Variants in IQGAP1 observed in about 807,000 individuals in gnomAD.
IQGAP1 encodes the protein ras GTPase-activating-like protein IQGAP1.
Under a neutral mutation model 215.6 loss-of-function variants are expected in IQGAP1, and 66 were observed. The ratio of observed to expected loss-of-function variants is 0.31; its 90% CI spans 0.25 to 0.38. The LOEUF (loss-of-function observed/expected upper bound fraction) is 0.38. Among genes scored for constraint, IQGAP1 ranks in the 10% least tolerant of loss-of-function variants. The pLI is 1.00. For synonymous variants in IQGAP1, 772 were observed against 728.7 expected (o/e 1.06, Z -0.96); for missense variants, 1,712 against 1,997.1 (o/e 0.86, Z 2.72).
intron 3 of IQGAP1, among the ~76,000 whole-genome samples, chr15:90,428,329 G>A (rs565733172): frequency 1.3e-5 from 2 of 151,992 alleles, no homozygotes; most frequent in Non-Finnish European, 2.9e-5. Flanking sequence ...CTCCCACCTT[G>A]GCCTCTCAAA....
intron 18 of IQGAP1, among the ~76,000 whole-genome samples, chr15:90,470,192 A>G (rs1965886557): frequency 6.6e-6 from 1 of 151,948 alleles, no homozygotes; most frequent in Admixed American, 6.6e-5. Context: ...AGATCCTCCC[A>G]CTCTACTCAC....
chr15:90,458,813 G>A (rs1449796554), intron 15 of IQGAP1, among the ~76,000 whole-genome samples: 1 of 152,128 alleles, frequency 6.6e-6, no homozygotes, highest in Admixed American at 6.5e-5. Context: ...ACAGCATCAA[G>A]TGACATTCTG....
In IQGAP1 at chr15:90,458,999, C is replaced by T. The variant is rs559485056; in HGVS notation, c.1776+2684C>T. ...CTCCTCTACCCTTCACCAAAACTTA[C>T]AGAGCCCACACGAGTGTCAGTGTGC... On this transcript the variant is annotated intron_variant, in intron 15 of 37. Coordinates refer to ENST00000268182, the MANE Select transcript of IQGAP1 (RefSeq NM_003870.4). Among the ~76,000 whole-genome samples the T allele has an allele frequency of 2.0e-5, 3 of 152,306 alleles. No homozygotes were observed. The East Asian group carries it at 5.8e-4, about 29-fold the overall frequency.
intron 2 of IQGAP1, among the ~76,000 whole-genome samples, chr15:90,425,332 A>C (rs1225908485): frequency 6.6e-6 from 1 of 152,056 alleles, no homozygotes; most frequent in Admixed American, 6.6e-5. Context: ...AAGAAAAGGA[A>C]AAAAAAACCA....
At chr15:90,461,146 A>G (rs940309217) in intron 15 of IQGAP1, among the ~76,000 whole-genome samples, 1 of 152,032 alleles carries the variant, frequency 6.6e-6, no homozygotes, top group Non-Finnish European at 1.5e-5. Context: ...ATCTCTACTA[A>G]AAATACAAAA....
rs989201994 is a variant in IQGAP1 at position 90,500,789 on chromosome 15, G to A, written c.*681G>A. 1 of 152,414 alleles carries A rather than the reference G, an allele frequency of 6.6e-6. No individual in the cohort carries two copies. Among genetic ancestry groups the A allele is most frequent in the Admixed American group, 6.5e-5 (1 of 15,274 alleles). 9.4% of individuals were successfully genotyped at this position (152,414 alleles called of 1,614,324 possible). ...CTGTTTGTGTAACTCCCCGACTAGT[G>A]GATGGGAGAGTCCCATTGCTAAAAT... is the stretch of plus-strand genomic sequence containing the variant. On this transcript the variant is annotated 3_prime_UTR_variant, in exon 38 of 38. Transcript: ENST00000268182.
In IQGAP1 at chr15:90,459,128, T is replaced by G. The variant is rs1008387711; in HGVS notation, c.1776+2813T>G. On this transcript the variant is annotated intron_variant, in intron 15 of 37. Coordinates refer to ENST00000268182, the MANE Select transcript of IQGAP1 (RefSeq NM_003870.4). Reference sequence around the variant, plus strand: ...TCCGCTTGCTGCCTCACTTCAGGAGTCTTCTGAAGGCTATGGTTCTATCCA... The same window carrying G: ...TCCGCTTGCTGCCTCACTTCAGGAGGCTTCTGAAGGCTATGGTTCTATCCA... Among the ~76,000 whole-genome samples, 29 of 152,066 alleles carry G rather than the reference T, an allele frequency of 1.9e-4. 1 individual carries two copies.
chr15:90,474,465 T>G lies in IQGAP1; in HGVS notation c.2576-20T>G, dbSNP rs1384976133. 6.3e-7 allele frequency: 1 copy of G among 1,588,326 alleles called. No homozygotes were observed. Among genetic ancestry groups the G allele is most frequent in the African/African-American group, 1.3e-5 (1 of 74,246 alleles). On this transcript the variant is annotated intron_variant, in intron 22 of 37. Transcript: ENST00000268182. ...TACTTTTTCTGCTAACTCCATTCTT[T>G]GATGCATACTTTCTGTCAGTCAATG...
intron 2 of IQGAP1, among the ~76,000 whole-genome samples, chr15:90,398,868 T>C (rs1964762994): frequency 6.6e-6 from 1 of 152,022 alleles, no homozygotes; most frequent in Non-Finnish European, 1.5e-5. Context: ...TAGTTGGGTA[T>C]GGTGGCGTGT....
chr15:90,480,919 C>T (rs1966049160), intron 26 of IQGAP1, among the ~76,000 whole-genome samples: 1 of 152,176 alleles, frequency 6.6e-6, no homozygotes, highest in Non-Finnish European at 1.5e-5. Context: ...CCACCCGCCT[C>T]GGCCTCCCAA....
intron 2 of IQGAP1, among the ~76,000 whole-genome samples, chr15:90,403,588 C>G (rs1057007336): frequency 2.0e-5 from 3 of 152,224 alleles, no homozygotes; most frequent in Admixed American, 6.5e-5. Context: ...GATTGTGTCT[C>G]TTTCCGGAGA....
intron 14 of IQGAP1, 117 bp downstream of exon 14, chr15:90,454,669 T>A: frequency 8.8e-7 from 1 of 1,132,790 alleles, no homozygotes; most frequent in Non-Finnish European, 1.2e-6. Flanking sequence ...TGAAAATATC[T>A]ATATAACACA....
intron 15 of IQGAP1, among the ~76,000 whole-genome samples, chr15:90,457,595 A>T (rs1163693744): frequency 3.8e-4 from 50 of 131,360 alleles, no homozygotes; most frequent in African/African-American, 5.2e-4. Flanking sequence ...CCTGGCTAAA[A>T]TTTTTTTTTT....
intron 15 of IQGAP1, among the ~76,000 whole-genome samples, chr15:90,465,331 G>A (rs1046764714): frequency 3.9e-5 from 6 of 152,192 alleles, no homozygotes; most frequent in Non-Finnish European, 7.3e-5. Flanking sequence ...TTTCAAATAA[G>A]TACTGCATAT....
At position 90,472,825 on chromosome 15, in the gene IQGAP1, C is replaced by G; in HGVS notation, c.2179-15C>G. ...TGCCTGTGAATGTCTTTGAATGTGA[C>G]CACTGCTTTTTCAGAGTTCTATCTC... is the stretch of plus-strand genomic sequence containing the variant. On this transcript the variant is annotated splice_polypyrimidine_tract_variant and intron_variant, in intron 18 of 37. Coordinates refer to ENST00000268182, the MANE Select transcript of IQGAP1 (RefSeq NM_003870.4). 1 of 1,593,728 alleles carries G rather than the reference C, an allele frequency of 6.3e-7. No individual in the cohort carries two copies. Among genetic ancestry groups the G allele is most frequent in the Non-Finnish European group, 8.6e-7 (1 of 1,167,776 alleles).
At position 90,429,162 on chromosome 15, in the gene IQGAP1, A is replaced by T. The variant is rs113003605; in HGVS notation, c.313-427A>T. Among the ~76,000 whole-genome samples, 385 of 152,240 alleles carry T rather than the reference A, an allele frequency of 2.5e-3. 7 individuals are homozygous for T. Among genetic ancestry groups the T allele is most frequent in the African/African-American group, 8.6e-3 (358 of 41,542 alleles). Reference sequence around the variant, plus strand: ...GCCACCGTCCCAGCGTGGTATTTTTATACAGCATTTTGTGAACATCTATGT... The same window carrying T: ...GCCACCGTCCCAGCGTGGTATTTTTTTACAGCATTTTGTGAACATCTATGT... On this transcript the variant is annotated intron_variant, in intron 3 of 37. Transcript: ENST00000268182.
chr15:90,501,403 AC>A lies in IQGAP1; in HGVS notation c.*1296del, dbSNP rs1275650136. On this transcript the variant is annotated 3_prime_UTR_variant, in exon 38 of 38. Coordinates refer to ENST00000268182, the MANE Select transcript of IQGAP1 (RefSeq NM_003870.4). ...GTCATACACTTTAAAAAAAAAAAAAACTTTTTCCAGGAAAATATATTGAAAT... is the reference window on the plus strand; with the variant it reads ...GTCATACACTTTAAAAAAAAAAAAAATTTTTCCAGGAAAATATATTGAAAT... 2 of 151,834 alleles carry A rather than the reference AC, an allele frequency of 1.3e-5. No individual in the cohort carries two copies. Among genetic ancestry groups the A allele is most frequent in the Non-Finnish European group, 2.9e-5 (2 of 67,966 alleles). The allele number at this position is 151,834 out of a possible 1,614,324, so 9.4% of individuals were successfully genotyped here. A position where few individuals can be genotyped will look rare whatever the true frequency, so the allele number is the denominator to read the frequency against.
chr15:90,450,941 C>G (rs527458332), intron 11 of IQGAP1, among the ~76,000 whole-genome samples: 4 of 150,082 alleles, frequency 2.7e-5, no homozygotes, highest in Admixed American at 2.0e-4. Flanking sequence ...TTGTTGGTTT[C>G]CTTTGCTGTG....
chr15:90,498,928 G>GC (rs1339936732), intron 37 of IQGAP1, among the ~76,000 whole-genome samples: 1 of 152,060 alleles, frequency 6.6e-6, no homozygotes, highest in Non-Finnish European at 1.5e-5. Context: ...TCCTGCCTCA[G>GC]CCTCCTGAGT....
Sources: gnomAD v4.1 joint callset for allele counts (sites outside exome capture counted in the v4.1 genomes callset) on GRCh38, gnomAD v4.1.1 for gene constraint, MANE v1.5 for transcripts, NCBI Gene and HGNC (gene_info 2026-07-23, HGNC 2026-07-21) for gene names.